The following NBEAL1 variants were observed in gnomAD, a reference collection of about 807,000 sequenced individuals.
NBEAL1 encodes neurobeachin like 1.
Under a neutral mutation model 351.3 loss-of-function variants are expected in NBEAL1, and 273 were observed. That is an observed-to-expected ratio of 0.78 (90% CI 0.70 to 0.86). The LOEUF (loss-of-function observed/expected upper bound fraction) is 0.86, where lower values mean the gene tolerates loss of function less well. NBEAL1 is among the 40% of genes least tolerant of loss of function. The pLI is 0.00. For synonymous variants in NBEAL1, 1,050 were observed against 1,086.4 expected, an observed-to-expected ratio of 0.97 and a Z score of 0.66; for missense variants, 2,961 against 3,201.3, an observed-to-expected ratio of 0.92 and a Z score of 1.81.
intron 10 of NBEAL1, among the ~76,000 whole-genome samples, chr2:203,092,875 T>C (rs1401943982): frequency 2.6e-5 from 4 of 152,046 alleles, no homozygotes; most frequent in South Asian, 2.1e-4. Flanking sequence ...AAAGAATATA[T>C]TGGTGAAGTA....
At chr2:203,069,762 G>T (rs2061650823) in intron 7 of NBEAL1, among the ~76,000 whole-genome samples, 1 of 151,984 alleles carries the variant, frequency 6.6e-6, no homozygotes, top group African/African-American at 2.4e-5. Context: ...AGCTCAGGTG[G>T]TCCTCTCACC....
intron 48 of NBEAL1, among the ~76,000 whole-genome samples, chr2:203,198,907 G>A (rs991452691): frequency 1.4e-4 from 22 of 151,756 alleles, no homozygotes; most frequent in African/African-American, 4.8e-4. Flanking sequence ...GATAAACAAG[G>A]CCAGGTGTGG....
chr2:203,221,423 T>A lies in NBEAL1; in HGVS notation c.*4069T>A, dbSNP rs914031848. ...TGGGTGTCTGTTGGGGTTATGTGTGTGTAAAGATTGGTCTTTTCAAATATG... is the reference window on the plus strand; with the variant it reads ...TGGGTGTCTGTTGGGGTTATGTGTGAGTAAAGATTGGTCTTTTCAAATATG... On this transcript the variant is annotated 3_prime_UTR_variant, in exon 56 of 56. Transcript: ENST00000683969. Among the ~76,000 whole-genome samples the A allele has an allele frequency of 1.3e-5, 2 of 151,854 alleles. No homozygotes were observed. Among genetic ancestry groups the A allele is most frequent in the African/African-American group, 4.8e-5 (2 of 41,408 alleles).
At chr2:203,205,223 T>TA (rs2065520128) in intron 51 of NBEAL1, among the ~76,000 whole-genome samples, 1 of 152,178 alleles carries the variant, frequency 6.6e-6, no homozygotes, top group Non-Finnish European at 1.5e-5. Flanking sequence ...TTCAAACTTG[T>TA]AAAAAATTTG....
At position 203,220,978 on chromosome 2, in the gene NBEAL1, T is replaced by C. The variant is rs947559617; in HGVS notation, c.*3624T>C. Among the ~76,000 whole-genome samples the C allele has an allele frequency of 9.9e-5, 15 of 152,052 alleles. No individual in the cohort carries two copies. Among genetic ancestry groups the C allele is most frequent in the Non-Finnish European group, 2.1e-4 (14 of 68,006 alleles). ...TAGCAAGGAACACCAATGAGGTTTC[T>C]TTTTTTTCTCTATTTAGGGCATATT... On this transcript the variant is annotated 3_prime_UTR_variant, in exon 56 of 56. Transcript: ENST00000683969.
chr2:203,188,705 CT>C, intron 45 of NBEAL1, 116 bp downstream of exon 45: 1 of 594,272 alleles, frequency 1.7e-6, no homozygotes, highest in South Asian at 3.3e-5. Flanking sequence ...TTAAAAACAT[CT>C]TTTTACTTGA....
rs899775638 is a variant in NBEAL1 at position 203,116,809 on chromosome 2, G to A, written c.2592+739G>A. Among the ~76,000 whole-genome samples the A allele has an allele frequency of 5.6e-5, 7 of 125,636 alleles. No homozygotes were observed. In the South Asian group the frequency reaches 9.9e-4, roughly 18 times the overall value. The allele number at this position is 125,636 out of a possible 152,430, so 82.4% of individuals were successfully genotyped here. A position where few individuals can be genotyped will look rare whatever the true frequency, so the allele number is the denominator to read the frequency against. On this transcript the variant is annotated intron_variant, in intron 18 of 55. Coordinates refer to ENST00000683969, the MANE Select transcript of NBEAL1 (RefSeq NM_001378026.1). Reference sequence around the variant, plus strand: ...TGTCTCAAAAAAAAAAAAAAAAAAGGGGGGGGCCCAGCACAGTGGCTGTGG... The same window carrying A: ...TGTCTCAAAAAAAAAAAAAAAAAAGAGGGGGGCCCAGCACAGTGGCTGTGG...
chr2:203,195,090 C>T (rs556504586), intron 47 of NBEAL1, among the ~76,000 whole-genome samples: 5 of 150,914 alleles, frequency 3.3e-5, no homozygotes, highest in Non-Finnish European at 5.9e-5. Flanking sequence ...CCCAGCTACT[C>T]GGAAGGCTGA....
chr2:203,083,828 C>G (rs1056716501), intron 9 of NBEAL1, among the ~76,000 whole-genome samples: 1 of 152,138 alleles, frequency 6.6e-6, no homozygotes, highest in African/African-American at 2.4e-5. Context: ...AGTAAATTTT[C>G]AGAAAGCACC....
chr2:203,093,724 C>T (rs562580904), intron 10 of NBEAL1, among the ~76,000 whole-genome samples: 96 of 152,236 alleles, frequency 6.3e-4, no homozygotes, highest in Non-Finnish European at 1.2e-3. Context: ...CATGGTGGCA[C>T]ACCTCTGTAA....
rs1460667112 is a variant in NBEAL1, at chr2:203,202,684, C to G, written c.7412-3C>G. 1 of 1,537,448 alleles carries G rather than the reference C, an allele frequency of 6.5e-7. No homozygotes were observed. The highest frequency in any genetic ancestry group is 1.7e-5 in the Admixed American group (1 of 59,184). On this transcript the variant is annotated splice_region_variant and splice_polypyrimidine_tract_variant and intron_variant, in intron 50 of 55. Coordinates refer to ENST00000683969, the MANE Select transcript of NBEAL1 (RefSeq NM_001378026.1). ...TCATTTTATTTAATTCCTTTTCTTACAGATATTGTGACTTGCTTAGCTACA... is the reference window on the plus strand; with the variant it reads ...TCATTTTATTTAATTCCTTTTCTTAGAGATATTGTGACTTGCTTAGCTACA...
At chr2:203,167,483 C>T (rs2106398177) in intron 38 of NBEAL1, 123 bp downstream of exon 38, 1 of 1,019,550 alleles carries the variant, frequency 9.8e-7, no homozygotes, top group Non-Finnish European at 1.4e-6. Context: ...GGAAAAAATA[C>T]ATACTTTGGG....
At chr2:203,102,138 C>A (rs1559366535) in intron 12 of NBEAL1, among the ~76,000 whole-genome samples, 1 of 152,098 alleles carries the variant, frequency 6.6e-6, no homozygotes, top group Non-Finnish European at 1.5e-5. Flanking sequence ...AGGAATGCTG[C>A]TGATTTTTGT....
At chr2:203,183,179 A>T (rs1406875357) in intron 43 of NBEAL1, 100 bp from the exon 44 acceptor site, 6 of 581,812 alleles carry the variant, frequency 1.0e-5, no homozygotes, top group Non-Finnish European at 1.5e-5. Context: ...TTAAAAGAAA[A>T]AATATGTTTT....
chr2:203,123,785 T>TA (rs1238947432), intron 19 of NBEAL1, among the ~76,000 whole-genome samples: 1 of 152,320 alleles, frequency 6.6e-6, no homozygotes, highest in East Asian at 1.9e-4. Flanking sequence ...GTACCATACA[T>TA]ACCTGAAAAT....
At chr2:203,195,811 G>T (rs1046981982) in intron 47 of NBEAL1, among the ~76,000 whole-genome samples, 1 of 152,100 alleles carries the variant, frequency 6.6e-6, no homozygotes, top group African/African-American at 2.4e-5. Context: ...GGTTTTTATT[G>T]GAGGCTGGTC....
intron 14 of NBEAL1, among the ~76,000 whole-genome samples, chr2:203,108,901 G>A (rs1329195118): frequency 1.3e-5 from 2 of 152,056 alleles, no homozygotes; most frequent in East Asian, 1.9e-4. Context: ...ATAAAAATTA[G>A]CCAGGTGTGG....
rs773550271 is a variant in NBEAL1 at position 203,041,889 on chromosome 2, T to C, written c.143+33T>C. The C allele has an allele frequency of 2.1e-6, 3 of 1,420,616 alleles. No homozygotes were observed. The South Asian group carries it at 3.7e-5, about 18-fold the overall frequency. The allele number at this position is 1,420,616 out of a possible 1,614,324, so 88.0% of individuals were successfully genotyped here. ...GAAACGCTAATTTGTAACCCCTGGA[T>C]GAGTTTTTCATTTTTGGCACAAAGA... On this transcript the variant is annotated intron_variant, in intron 3 of 55. Transcript: ENST00000683969.
In NBEAL1 at chr2:203,183,365, A is replaced by C; in HGVS notation, c.6682A>C (p.Ile2228Leu). 6.3e-7 allele frequency: 1 copy of C among 1,581,980 alleles called. No homozygotes were observed. Among genetic ancestry groups the C allele is most frequent in the Non-Finnish European group, 8.6e-7 (1 of 1,160,740 alleles). Residue 2228 changes from isoleucine to leucine, a missense_variant, in exon 44 of 56, where the codon ATC becomes CTC. Ile to Leu is a conservative substitution (Grantham distance 5). Transcript: ENST00000683969. ...ATGGGCTAAATCAGCTGAAGATTTC[A>C]TCTATAAACATAGGAAAGCTTTGGT... ...PKWAKSAEDF[I>L]YKHRKALESE...
Sources: gnomAD v4.1 joint callset for allele counts (sites outside exome capture counted in the v4.1 genomes callset) on GRCh38, gnomAD v4.1.1 for gene constraint, MANE v1.5 for transcripts, NCBI Gene and HGNC (gene_info 2026-07-23, HGNC 2026-07-21) for gene names.